FOXD2: variants seen among roughly 807,000 people sequenced by gnomAD.
FOXD2 encodes forkhead box D2.
Under a neutral mutation model 6.4 loss-of-function variants are expected in FOXD2, and 4 were observed. The ratio of observed to expected loss-of-function variants is 0.62; its 90% CI spans 0.31 to 1.42. The LOEUF (loss-of-function observed/expected upper bound fraction) is 1.42, where lower values mean the gene tolerates loss of function less well. Ranked by LOEUF, FOXD2 falls within the 40% of genes most tolerant of loss-of-function variation. The pLI, the probability that FOXD2 is intolerant of heterozygous loss-of-function variation, is 0.08. For synonymous variants in FOXD2, 393 were observed against 373.6 expected, an observed-to-expected ratio of 1.05 and a Z score of -0.60; for missense variants, 709 against 766.8, an observed-to-expected ratio of 0.92 and a Z score of 0.89.
In FOXD2 at chr1:47,438,870, C is replaced by G; in HGVS notation, c.735C>G (p.Gly245=). 6.3e-7 allele frequency: 1 copy of G among 1,588,542 alleles called. No homozygotes were observed. The highest frequency in any genetic ancestry group is 2.3e-5 in the East Asian group (1 of 43,372). Residue 245 remains glycine (G), a synonymous_variant, in exon 1 of 1, where the codon GGC becomes GGG. Coordinates refer to ENST00000334793, the MANE Select transcript of FOXD2 (RefSeq NM_004474.4). ...CTCACCCGGAGCTGCTGCTGCGTGG[C>G]GGGGCCGCGGCGGCGGGGGATCCCG... ...PHPHPELLLR[G]GAAAAGDPGA...
rs1290047504 is a variant in FOXD2 at position 47,439,962 on chromosome 1, T to C, written c.*339T>C. ...TTCCGGGAGAGATGCCTGGCCAGGCTCCACGGATCCCGCCAGAAACACCAA... is the reference window on the plus strand; with the variant it reads ...TTCCGGGAGAGATGCCTGGCCAGGCCCCACGGATCCCGCCAGAAACACCAA... On this transcript the variant is annotated 3_prime_UTR_variant, in exon 1 of 1. Transcript: ENST00000334793. The C allele has an allele frequency of 3.3e-6, 1 of 299,640 alleles. No homozygotes were observed. The highest frequency in any genetic ancestry group is 2.3e-5 in the African/African-American group (1 of 44,418). The allele number at this position is 299,640 out of a possible 1,614,324, so 18.6% of individuals were successfully genotyped here.
rs1646984058 is a variant in FOXD2, at chr1:47,438,079, G to A, written c.-57G>A. ...CTCGCCCCAGAGGCAGCGCGGCCGA[G>A]CCCGAGCCGCTGCCGGAGCGGAGCC... On this transcript the variant is annotated 5_prime_UTR_variant, in exon 1 of 1. Transcript: ENST00000334793. The A allele has an allele frequency of 2.3e-6, 3 of 1,326,722 alleles. No homozygotes were observed. Among genetic ancestry groups the A allele is most frequent in the Non-Finnish European group, 2.9e-6 (3 of 1,043,556 alleles). The allele number at this position is 1,326,722 out of a possible 1,614,324, so 82.2% of individuals were successfully genotyped here.
At position 47,438,990 on chromosome 1, in the gene FOXD2, C is replaced by CCTGCAT. The variant is rs1553125545; in HGVS notation, c.856_857insTGCATC (p.Ala285_Pro286insLeuHis). 1.3e-5 allele frequency: 11 copies of CCTGCAT among 865,704 alleles called. No individual in the cohort carries two copies. The South Asian group carries it at 1.8e-4, about 14-fold the overall frequency. The allele number at this position is 865,704 out of a possible 1,614,324, so 53.6% of individuals were successfully genotyped here. A position where few individuals can be genotyped will look rare whatever the true frequency, so the allele number is the denominator to read the frequency against. On this transcript the variant is annotated inframe_insertion, in exon 1 of 1. Coordinates refer to ENST00000334793, the MANE Select transcript of FOXD2 (RefSeq NM_004474.4). Reference sequence around the variant, plus strand: ...ACGGCGCACCCCCGCCGGGGCCGGCCCCGCATCCGCACCCGCACCCGCACG... The same window carrying CCTGCAT: ...ACGGCGCACCCCCGCCGGGGCCGGCCCTGCATCCGCATCCGCACCCGCACCCGCACG...
chr1:47,439,622 G>T lies in FOXD2; in HGVS notation c.1487G>T (p.Ter496LeuextTer31). ...KVAGLSGCHF[*>L] ...GCCGGCCTTAGTGGCTGCCACTTCTGACCGCAGCAGGCCCAGGGCCGGTTA... is the reference window on the plus strand; with the variant it reads ...GCCGGCCTTAGTGGCTGCCACTTCTTACCGCAGCAGGCCCAGGGCCGGTTA... Residue 496 changes from the stop codon to leucine, a stop_lost, in exon 1 of 1, where the codon TGA (stop) becomes TTA (leucine). Coordinates refer to ENST00000334793, the MANE Select transcript of FOXD2 (RefSeq NM_004474.4). The T allele has an allele frequency of 6.4e-7, 1 of 1,550,612 alleles. No homozygotes were observed. Among genetic ancestry groups the T allele is most frequent in the South Asian group, 1.2e-5 (1 of 83,692 alleles).
Position 47,438,286 on chromosome 1 carries a change from G to A in FOXD2, c.151G>A (p.Val51Met), listed in dbSNP as rs1570416865. The A allele has an allele frequency of 3.0e-6, 4 of 1,339,392 alleles. No homozygotes were observed. The highest frequency in any genetic ancestry group is 6.2e-5 in the East Asian group (2 of 32,256). The allele number at this position is 1,339,392 out of a possible 1,614,324, so 83.0% of individuals were successfully genotyped here. Residue 51 changes from valine to methionine, a missense_variant, in exon 1 of 1, where the codon GTG (valine) becomes ATG (methionine). Coordinates refer to ENST00000334793, the MANE Select transcript of FOXD2 (RefSeq NM_004474.4). The part of the protein sequence containing the change: ...ARSGPRAPRD[V>M]LPHGHEPPAE... Reference sequence around the variant, plus strand: ...CTCCGGGCCCCGCGCCCCCCGGGACGTGCTCCCCCACGGCCACGAGCCTCC... The same window carrying A: ...CTCCGGGCCCCGCGCCCCCCGGGACATGCTCCCCCACGGCCACGAGCCTCC...
In FOXD2 at chr1:47,438,058, C is replaced by T. The variant is rs923002499; in HGVS notation, c.-78C>T. The T allele has an allele frequency of 5.5e-6, 7 of 1,282,610 alleles. No homozygotes were observed. The highest frequency in any genetic ancestry group is 4.7e-5 in the South Asian group (2 of 42,648). The allele number at this position is 1,282,610 out of a possible 1,614,324, so 79.5% of individuals were successfully genotyped here. ...CCCGCCCGCGCGCAAAACGCACTCG[C>T]CCCAGAGGCAGCGCGGCCGAGCCCG... On this transcript the variant is annotated 5_prime_UTR_variant, in exon 1 of 1. Coordinates refer to ENST00000334793, the MANE Select transcript of FOXD2 (RefSeq NM_004474.4).
rs1304509922 is a variant in FOXD2 at position 47,439,246 on chromosome 1, C to A, written c.1111C>A (p.Leu371Met). Residue 371 changes from leucine to methionine, a missense_variant, in exon 1 of 1, where the codon CTG becomes ATG. This residue lies in a region of FOXD2 where 322 missense variants were observed against 313.8 expected (regional missense o/e 1.03). Transcript: ENST00000334793. ...CGCCAAAGCCTTCTACGCGGCGTCC[C>A]TGAGTCCTCCCGCAGCCGGCACCGC... The part of the protein sequence containing the change: ...GCAKAFYAAS[L>M]SPPAAGTAAG... 1 of 1,505,322 alleles carries A rather than the reference C, an allele frequency of 6.6e-7. No homozygotes were observed. The highest frequency in any genetic ancestry group is 2.2e-5 in the Admixed American group (1 of 45,416). The allele number at this position is 1,505,322 out of a possible 1,614,324, so 93.2% of individuals were successfully genotyped here.
Position 47,438,152 on chromosome 1 carries a change from G to T in FOXD2, c.17G>T (p.Cys6Phe). 6.8e-7 allele frequency: 1 copy of T among 1,459,996 alleles called. No homozygotes were observed. Among genetic ancestry groups the T allele is most frequent in the Non-Finnish European group, 9.0e-7 (1 of 1,111,168 alleles). 90.4% of individuals were successfully genotyped at this position (1,459,996 alleles called of 1,614,324 possible). A position where few individuals can be genotyped will look rare whatever the true frequency, so the allele number is the denominator to read the frequency against. Residue 6 changes from cysteine (C) to phenylalanine (F), a missense_variant, in exon 1 of 1, where the codon TGC becomes TTC. By Grantham distance (205) the Cys-to-Phe change is radical (BLOSUM62 -2). Around this residue, in one of 5 missense-constraint regions of FOXD2, gnomAD observed 220 missense variants for 199.2 expected, o/e 1.10. Transcript: ENST00000334793. ...AGCGGCACCATGACCCTGGGCAGCTGCTGCTGCGAGATCATGTCCTCCGAG... is the reference window on the plus strand; with the variant it reads ...AGCGGCACCATGACCCTGGGCAGCTTCTGCTGCGAGATCATGTCCTCCGAG... MTLGS[C>F]CCEIMSSESS...
chr1:47,439,318 G>T lies in FOXD2; in HGVS notation c.1183G>T (p.Ala395Ser), dbSNP rs1027339765. 1.5e-5 allele frequency: 22 copies of T among 1,476,218 alleles called. No homozygotes were observed. In the African/African-American group the frequency reaches 2.5e-4, roughly 17 times the overall value. The allele number at this position is 1,476,218 out of a possible 1,614,324, so 91.4% of individuals were successfully genotyped here. ...TCTGCGCCAGGGCCTCAAGACGGAC[G>T]CGGGCGGTGGTGCAGGCGGCGGGGG... ...ALLRQGLKTD[A>S]GGGAGGGGAG... The change falls in exon 1 of 1, where the codon GCG becomes TCG. Residue 395 changes from alanine (A) to serine (S), a missense_variant. By Grantham distance (99) the Ala-to-Ser change is moderately conservative. This residue lies in a region of FOXD2 where 322 missense variants were observed against 313.8 expected (regional missense o/e 1.03). Transcript: ENST00000334793.
Position 47,438,882 on chromosome 1 carries a change from G to A in FOXD2, c.747G>A (p.Ala249=), listed in dbSNP as rs923910403. ...TGCTGCTGCGTGGCGGGGCCGCGGC[G>A]GCGGGGGATCCCGGCGCTTTCCTGC... ...PELLLRGGAA[A]AGDPGAFLPG... Residue 249 remains alanine (A), a synonymous_variant, in exon 1 of 1, where the codon GCG becomes GCA. Transcript: ENST00000334793. 10 of 1,572,390 alleles carry A rather than the reference G, an allele frequency of 6.4e-6. No individual in the cohort carries two copies. Among genetic ancestry groups the A allele is most frequent in the South Asian group, 5.7e-5 (5 of 87,560 alleles).
In FOXD2 at chr1:47,440,298, A is replaced by G. The variant is rs1647000610; in HGVS notation, c.*675A>G. 6.0e-6 allele frequency: 1 copy of G among 166,844 alleles called. No individual in the cohort carries two copies. The highest frequency in any genetic ancestry group is 1.5e-5 in the Non-Finnish European group (1 of 68,082). The allele number at this position is 166,844 out of a possible 1,614,324, so 10.3% of individuals were successfully genotyped here. On this transcript the variant is annotated 3_prime_UTR_variant, in exon 1 of 1. Coordinates refer to ENST00000334793, the MANE Select transcript of FOXD2 (RefSeq NM_004474.4). ...CTCTTTTGTGTTTGGGTGCTTTTAAAGGAATTTCTTTCCTTTCCCTTGGCT... is the reference window on the plus strand; with the variant it reads ...CTCTTTTGTGTTTGGGTGCTTTTAAGGGAATTTCTTTCCTTTCCCTTGGCT...
rs1441280423 is a variant in FOXD2 at position 47,438,622 on chromosome 1, T to C, written c.487T>C (p.Tyr163His). The change falls in exon 1 of 1, where the codon TAC becomes CAC. Residue 163 changes from tyrosine (Y) to histidine (H), a missense_variant. By Grantham distance (83) the Tyr-to-His change is moderately conservative. Coordinates refer to ENST00000334793, the MANE Select transcript of FOXD2 (RefSeq NM_004474.4). ...CGAGTTCATCAGCGGCCGCTTCCCC[T>C]ACTACCGGGAGAAGTTCCCCGCCTG... ...ICEFISGRFP[Y>H]YREKFPAWQN... 2 of 1,613,890 alleles carry C rather than the reference T, an allele frequency of 1.2e-6. No homozygotes were observed. Among genetic ancestry groups the C allele is most frequent in the South Asian group, 2.2e-5 (2 of 91,078 alleles).
At position 47,438,368 on chromosome 1, in the gene FOXD2, C is replaced by T. The variant is rs1406556251; in HGVS notation, c.233C>T (p.Ser78Leu). ...GACGAGGAGGAGTCTGGTGGCTGCT[C>T]GGACGGCGAGCCCCGCGCTCTGGCG... ...AEDEEESGGC[S>L]DGEPRALASR... is the part of the protein sequence containing the mutation. The change falls in exon 1 of 1, where the codon TCG becomes TTG. Residue 78 changes from serine to leucine, a missense_variant. Ser to Leu is a moderately radical substitution (Grantham distance 145). Coordinates refer to ENST00000334793, the MANE Select transcript of FOXD2 (RefSeq NM_004474.4). 1.1e-5 allele frequency: 14 copies of T among 1,233,196 alleles called. No individual in the cohort carries two copies. The highest frequency in any genetic ancestry group is 1.3e-5 in the Non-Finnish European group (13 of 987,550). The allele number at this position is 1,233,196 out of a possible 1,614,324, so 76.4% of individuals were successfully genotyped here.
Position 47,438,826 on chromosome 1 carries a change from C to T in FOXD2, c.691C>T (p.Pro231Ser), listed in dbSNP as rs1171482462. 1 of 1,611,700 alleles carries T rather than the reference C, an allele frequency of 6.2e-7. No homozygotes were observed. Among genetic ancestry groups the T allele is most frequent in the East Asian group, 2.2e-5 (1 of 44,784 alleles). Residue 231 changes from proline to serine, a missense_variant, in exon 1 of 1, where the codon CCG becomes TCG. Coordinates refer to ENST00000334793, the MANE Select transcript of FOXD2 (RefSeq NM_004474.4). The part of the protein sequence containing the change: ...KRFKRQPLPP[P>S]HPHPHPHPEL... ...CTTCAAGCGGCAGCCCCTGCCGCCG[C>T]CGCACCCACACCCGCACCCTCACCC...
At position 47,438,125 on chromosome 1, in the gene FOXD2, G is replaced by T. The variant is rs749571018; in HGVS notation, c.-11G>T. 2 of 1,405,568 alleles carry T rather than the reference G, an allele frequency of 1.4e-6. No individual in the cohort carries two copies. The highest frequency in any genetic ancestry group is 1.8e-6 in the Non-Finnish European group (2 of 1,083,898). The allele number at this position is 1,405,568 out of a possible 1,614,324, so 87.1% of individuals were successfully genotyped here. On this transcript the variant is annotated 5_prime_UTR_variant, in exon 1 of 1. Coordinates refer to ENST00000334793, the MANE Select transcript of FOXD2 (RefSeq NM_004474.4). ...GAGCCGGAGAGTGGCGGCGGCGGCG[G>T]CAGCGGCACCATGACCCTGGGCAGC...
Position 47,439,416 on chromosome 1 carries a change from C to T in FOXD2, c.1281C>T (p.Pro427=), listed in dbSNP as rs1483933465. The part of the protein sequence containing the change: ...IMGHGGGGAA[P]PGAGEGSPGP... ...GCCACGGTGGCGGCGGGGCAGCACC[C>T]CCGGGCGCCGGCGAGGGCTCTCCGG... Residue 427 remains proline (P), a synonymous_variant, in exon 1 of 1, where the codon CCC becomes CCT. Transcript: ENST00000334793. The T allele has an allele frequency of 2.6e-6, 4 of 1,540,998 alleles. No homozygotes were observed. Among genetic ancestry groups the T allele is most frequent in the Non-Finnish European group, 3.5e-6 (4 of 1,151,180 alleles).
rs780051451 is a variant in FOXD2 at position 47,438,465 on chromosome 1, C to G, written c.330C>G (p.Pro110=). Residue 110 remains proline (P), a synonymous_variant, in exon 1 of 1, where the codon CCC becomes CCG. Transcript: ENST00000334793. ...CGGCGGCCCGCGGCGCAGCGGGGCC[C>G]GGGCCGGGACCGCCGTCGGGGGGCG... ...GAAAARGAAG[P]GPGPPSGGAA... 23 of 1,415,226 alleles carry G rather than the reference C, an allele frequency of 1.6e-5. No homozygotes were observed. The highest frequency in any genetic ancestry group is 6.4e-5 in the East Asian group (2 of 31,300). 87.7% of individuals were successfully genotyped at this position (1,415,226 alleles called of 1,614,324 possible).
At position 47,438,618 on chromosome 1, in the gene FOXD2, C is replaced by T. The variant is rs757797045; in HGVS notation, c.483C>T (p.Phe161=). ...SEICEFISGR[F]PYYREKFPAW... is the part of the protein sequence containing the mutation. ...TCTGCGAGTTCATCAGCGGCCGCTT[C>T]CCCTACTACCGGGAGAAGTTCCCCG... Residue 161 remains phenylalanine (F), a synonymous_variant, in exon 1 of 1, where the codon TTC becomes TTT. Transcript: ENST00000334793. The T allele has an allele frequency of 2.5e-6, 4 of 1,613,956 alleles. No homozygotes were observed. Among genetic ancestry groups the T allele is most frequent in the Admixed American group, 1.7e-5 (1 of 60,018 alleles).
chr1:47,439,920 G>A lies in FOXD2; in HGVS notation c.*297G>A, dbSNP rs549485732. ...GCTTCGTTTTTTTCCCTGCCTCTGC[G>A]CCTCTCGGGGAACACATTCCGGGAG... On this transcript the variant is annotated 3_prime_UTR_variant, in exon 1 of 1. Coordinates refer to ENST00000334793, the MANE Select transcript of FOXD2 (RefSeq NM_004474.4). 5.6e-5 allele frequency: 22 copies of A among 391,682 alleles called. No individual in the cohort carries two copies. The highest frequency in any genetic ancestry group is 4.1e-4 in the African/African-American group (19 of 46,346). 24.3% of individuals were successfully genotyped at this position (391,682 alleles called of 1,614,324 possible).
Sources: gnomAD v4.1 joint callset for allele counts on GRCh38, gnomAD v4.1.1 for gene constraint, gnomAD v4.1.1 regional missense constraint, MANE v1.5 for transcripts, NCBI Gene and HGNC (gene_info 2026-07-23, HGNC 2026-07-21) for gene names.